Variants in SOX5 observed in about 807,000 individuals in gnomAD.
SOX5 encodes the protein transcription factor SOX-5.
A neutral mutation model predicts 92.0 loss-of-function variants in SOX5; 9 were observed. That is an observed-to-expected ratio of 0.10 (90% CI 0.06 to 0.17). SOX5 has a LOEUF of 0.17. SOX5 is among the 10% of genes least tolerant of loss of function. SOX5 has a pLI of 1.00. For missense variants in SOX5, 642 were observed against 944.5 expected (o/e 0.68, Z 4.20); for synonymous variants, 344 against 336.3 (o/e 1.02, Z -0.25).
In SOX5 at chr12:24,035,688, T is replaced by TA. The variant is rs1351921512; in HGVS notation, c.-1-139665dup. On this transcript the variant is annotated intron_variant, in intron 4 of 4. Coordinates refer to the SOX5 transcript ENST00000446891. ...AACTTAAATGTAAATAGTTTCTTAA[T>TA]AAAATAAAGAAAAACATCTCCCTCA... Among the ~76,000 whole-genome samples, 6 of 152,076 alleles carry TA rather than the reference T, an allele frequency of 3.9e-5. No homozygotes were observed. In the East Asian group the frequency reaches 9.6e-4, roughly 24 times the overall value.
intron 2 of SOX5, among the ~76,000 whole-genome samples, chr12:24,343,455 G>A (rs1952811927): frequency 1.3e-5 from 2 of 149,752 alleles, no homozygotes; most frequent in African/African-American, 4.9e-5. Flanking sequence ...ATATATAATA[G>A]GTATATATTA....
chr12:23,944,914 G>A (rs570755828), intron 1 of SOX5, among the ~76,000 whole-genome samples: 38 of 152,182 alleles, frequency 2.5e-4, no homozygotes, highest in African/African-American at 8.7e-4. Context: ...ACTTAGGTTA[G>A]TTTCTTTCCC....
At chr12:24,169,465 T>G (rs1017175774) in intron 4 of SOX5, among the ~76,000 whole-genome samples, 3 of 152,236 alleles carry the variant, frequency 2.0e-5, no homozygotes, top group Non-Finnish European at 2.9e-5. Context: ...TCAGAGATAG[T>G]GTTTTAAGTA....
At chr12:24,023,207 C>A (rs1954512001) in intron 4 of SOX5, among the ~76,000 whole-genome samples, 1 of 152,090 alleles carries the variant, frequency 6.6e-6, no homozygotes, top group Admixed American at 6.6e-5. Flanking sequence ...TGAGCACATT[C>A]ATGAAGCACA....
intron 2 of SOX5, among the ~76,000 whole-genome samples, chr12:24,297,066 C>T (rs754296116): frequency 3.9e-5 from 6 of 152,012 alleles, no homozygotes; most frequent in African/African-American, 1.2e-4. Context: ...AGAGACATGA[C>T]GGTAGTTATG....
At chr12:24,259,719 C>T (rs887162181) in intron 3 of SOX5, among the ~76,000 whole-genome samples, 5 of 152,028 alleles carry the variant, frequency 3.3e-5, no homozygotes, top group African/African-American at 4.8e-5. Flanking sequence ...TGATAAGTAA[C>T]GAATATCCAT....
At chr12:24,561,634 GA>G (rs1954353757) in intron 1 of SOX5, among the ~76,000 whole-genome samples, 1 of 143,312 alleles carries the variant, frequency 7.0e-6, no homozygotes, top group South Asian at 2.2e-4. Context: ...GAGGTGGGGG[GA>G]AAAAGTAGTT....
At chr12:23,771,751 C>A (rs1256566279) in intron 3 of SOX5, among the ~76,000 whole-genome samples, 1 of 152,196 alleles carries the variant, frequency 6.6e-6, no homozygotes, top group African/African-American at 2.4e-5. Flanking sequence ...CATATAGACA[C>A]CTTTCTCTGT....
intron 6 of SOX5, among the ~76,000 whole-genome samples, chr12:23,671,968 G>A (rs910135011): frequency 6.6e-6 from 1 of 151,834 alleles, no homozygotes; most frequent in Non-Finnish European, 1.5e-5. Flanking sequence ...TTCCAAGGAT[G>A]AAAGTGACTT....
intron 2 of SOX5, among the ~76,000 whole-genome samples, chr12:24,341,776 G>A (rs1333349468): frequency 6.6e-6 from 1 of 152,124 alleles, no homozygotes; most frequent in Non-Finnish European, 1.5e-5. Context: ...CAACAATAGT[G>A]GCTTCCTTCA....
intron 1 of SOX5, among the ~76,000 whole-genome samples, chr12:24,486,894 T>C (rs893406580): frequency 2.0e-5 from 3 of 152,090 alleles, no homozygotes; most frequent in African/African-American, 7.2e-5. Context: ...AGACTTGATG[T>C]TGATCCCAGT....
At chr12:24,233,541 CT>C (rs1963839632) in intron 3 of SOX5, among the ~76,000 whole-genome samples, 1 of 152,200 alleles carries the variant, frequency 6.6e-6, no homozygotes, top group South Asian at 2.1e-4. Context: ...GCAAGTCAGA[CT>C]TCAAAGTTGC....
chr12:23,562,057 A>T (rs776718438), intron 11 of SOX5, among the ~76,000 whole-genome samples: 1 of 152,180 alleles, frequency 6.6e-6, no homozygotes, highest in Non-Finnish European at 1.5e-5. Context: ...AAATTCCTTT[A>T]TGCTTGCTAT....
chr12:24,265,050 A>G (rs73284908), intron 3 of SOX5, among the ~76,000 whole-genome samples: 3,051 of 152,244 alleles, frequency 0.02, 84 homozygotes, highest in African/African-American at 0.067. Context: ...CCAACTTACC[A>G]TGGGGATTTT....
intron 2 of SOX5, among the ~76,000 whole-genome samples, chr12:24,286,251 C>G (rs1945848931): frequency 6.6e-6 from 1 of 152,116 alleles, no homozygotes; most frequent in African/African-American, 2.4e-5. Context: ...AAAACTAACA[C>G]CAATGGTAAG....
intron 3 of SOX5, among the ~76,000 whole-genome samples, chr12:23,774,603 T>A (rs2095041702): frequency 6.6e-6 from 1 of 152,150 alleles, no homozygotes; most frequent in Non-Finnish European, 1.5e-5. Flanking sequence ...AAATTGTTAA[T>A]GTCTTCACTA....
intron 3 of SOX5, among the ~76,000 whole-genome samples, chr12:23,823,120 A>G (rs1490238704): frequency 6.6e-6 from 1 of 152,078 alleles, no homozygotes; most frequent in Non-Finnish European, 1.5e-5. Context: ...TTTACATTTA[A>G]AGTTAATATT....
chr12:23,735,286 A>T lies in SOX5; in HGVS notation c.742-534T>A, dbSNP rs374014875. 3.3e-5 allele frequency among the ~76,000 whole-genome samples: 5 copies of T among 151,148 alleles called. 1 individual carries two copies. The East Asian group carries it at 7.8e-4, about 24-fold the overall frequency. ...GCATGCTATTGTGGTTTCTGTTTCC[A>T]TTTTTTTTTACCAAAATGATTCTTA... On this transcript the variant is annotated intron_variant, in intron 5 of 14. Coordinates refer to ENST00000451604, the MANE Select transcript of SOX5 (RefSeq NM_006940.6).
intron 3 of SOX5, among the ~76,000 whole-genome samples, chr12:24,235,525 T>C (rs1964292248): frequency 6.6e-6 from 1 of 152,180 alleles, no homozygotes; most frequent in Admixed American, 6.5e-5. Context: ...ATATGACTAA[T>C]AACATCTTGA....
Sources: allele counts gnomAD v4.1 joint callset (sites outside exome capture counted in the v4.1 genomes callset), GRCh38; gene constraint gnomAD v4.1.1; transcripts MANE v1.5; gene names NCBI Gene and HGNC (gene_info 2026-07-23, HGNC 2026-07-21).